The following SGPP2 variants were observed in gnomAD, a reference collection of about 807,000 sequenced individuals.
SGPP2 encodes the protein sphingosine-1-phosphate phosphatase 2.
In SGPP2, 30 loss-of-function variants were observed where a neutral mutation model predicts 33.9. The ratio of observed to expected loss-of-function variants is 0.89; its 90% CI spans 0.66 to 1.20. SGPP2 has a LOEUF of 1.20. Ranked by LOEUF, SGPP2 falls within the 50% of genes most tolerant of loss-of-function variation. The pLI is 0.00. For missense variants in SGPP2, 458 were observed against 532.1 expected, an observed-to-expected ratio of 0.86 and a Z score of 1.37; for synonymous variants, 233 against 225.0, an observed-to-expected ratio of 1.04 and a Z score of -0.32.
At chr2:222,432,685 T>C (rs139485940) in intron 1 of SGPP2, among the ~76,000 whole-genome samples, 2 of 151,850 alleles carry the variant, frequency 1.3e-5, no homozygotes, top group African/African-American at 4.8e-5. Flanking sequence ...CAGGAAACAA[T>C]AGGAACTCAG....
At chr2:222,552,426 C>T (rs1435162449) in intron 4 of SGPP2, among the ~76,000 whole-genome samples, 1 of 151,960 alleles carries the variant, frequency 6.6e-6, no homozygotes, top group Non-Finnish European at 1.5e-5. Flanking sequence ...GGTGGTATTG[C>T]ATTATGGTTT....
At chr2:222,474,870 A>T in intron 2 of SGPP2, 144 bp downstream of exon 2, 1 of 714,104 alleles carries the variant, frequency 1.4e-6, no homozygotes, top group Non-Finnish European at 2.2e-6. Flanking sequence ...TTTCCTTTGG[A>T]AAAATTAGAA....
At chr2:222,502,880 A>G (rs1222105561) in intron 2 of SGPP2, among the ~76,000 whole-genome samples, 2 of 152,226 alleles carry the variant, frequency 1.3e-5, no homozygotes, top group African/African-American at 4.8e-5. Context: ...ACCGTGTACG[A>G]AATTCTACCC....
intron 1 of SGPP2, among the ~76,000 whole-genome samples, chr2:222,449,395 T>G (rs528062940): frequency 6.6e-6 from 1 of 152,034 alleles, no homozygotes; most frequent in Non-Finnish European, 1.5e-5. Flanking sequence ...ACAAAAATGG[T>G]CAGGTTTACA....
intron 1 of SGPP2, among the ~76,000 whole-genome samples, chr2:222,433,351 C>A (rs1221312698): frequency 4.6e-5 from 7 of 151,040 alleles, no homozygotes; most frequent in Admixed American, 6.6e-5. Flanking sequence ...GGGGATCTCG[C>A]AGTGCAACCA....
At chr2:222,511,514 G>A (rs765637441) in intron 2 of SGPP2, among the ~76,000 whole-genome samples, 4 of 151,918 alleles carry the variant, frequency 2.6e-5, no homozygotes, top group Non-Finnish European at 5.9e-5. Flanking sequence ...AGGACTTTAG[G>A]GCCTCAACCC....
rs1194200401 is a variant in SGPP2, at chr2:222,558,778, CAAG to C, written c.1081_1083del (p.Lys361del). 6.2e-7 allele frequency: 1 copy of C among 1,614,026 alleles called. No individual in the cohort carries two copies. Among genetic ancestry groups the C allele is most frequent in the African/African-American group, 1.3e-5 (1 of 74,904 alleles). On this transcript the variant is annotated inframe_deletion, in exon 5 of 5. Coordinates refer to ENST00000321276, the MANE Select transcript of SGPP2 (RefSeq NM_152386.4). Reference sequence around the variant, plus strand: ...CATGGTTCAAGGTGGTCACCAGGAACAAGGAGGCCAGGCGGAGACTGGAGATTG... The same window carrying C: ...CATGGTTCAAGGTGGTCACCAGGAACGAGGCCAGGCGGAGACTGGAGATTG...
intron 2 of SGPP2, among the ~76,000 whole-genome samples, chr2:222,499,949 C>T (rs2106117168): frequency 1.3e-5 from 2 of 152,260 alleles, no homozygotes; most frequent in South Asian, 4.2e-4. Flanking sequence ...AAGTTCTCAC[C>T]TTGGGCCTGA....
intron 1 of SGPP2, chr2:222,452,507 C>A: frequency 1.1e-6 from 1 of 910,730 alleles, no homozygotes; most frequent in Non-Finnish European, 1.8e-6. Flanking sequence ...TGGCTTTCCC[C>A]AGCAGTTTCC....
chr2:222,445,508 C>T (rs960237256), intron 1 of SGPP2, among the ~76,000 whole-genome samples: 3 of 152,196 alleles, frequency 2.0e-5, no homozygotes, highest in Non-Finnish European at 2.9e-5. Context: ...CAATTCATGA[C>T]TCCTGGCCTA....
intron 4 of SGPP2, among the ~76,000 whole-genome samples, chr2:222,552,543 C>A (rs777223674): frequency 6.6e-6 from 1 of 152,066 alleles, no homozygotes; most frequent in South Asian, 2.1e-4. Flanking sequence ...GATAGGTACA[C>A]CAAAATCTCA....
intron 2 of SGPP2, among the ~76,000 whole-genome samples, chr2:222,516,516 T>C (rs1698606346): frequency 6.6e-6 from 1 of 152,242 alleles, no homozygotes. Context: ...ATATTGCTTT[T>C]GTTTCTCCTG....
intron 4 of SGPP2, among the ~76,000 whole-genome samples, chr2:222,525,837 C>T (rs1574878070): frequency 6.6e-6 from 1 of 152,166 alleles, no homozygotes; most frequent in Admixed American, 6.5e-5. Flanking sequence ...AAGGCCTACA[C>T]CCCACACGGG....
rs1689281263 is a variant in SGPP2 at position 222,550,828 on chromosome 2, C to A, written c.649-7519C>A. On this transcript the variant is annotated intron_variant, in intron 4 of 4. Coordinates refer to ENST00000321276, the MANE Select transcript of SGPP2 (RefSeq NM_152386.4). This position sits in a 1 kb window ranked among gnomAD's most constrained non-coding sequence, Gnocchi z 4.5. The stretch of plus-strand genomic sequence containing the variant: ...TGTGTTACTTTTTGGACTTAAATGG[C>A]ATGAGCTGAAATAACCCAACAAGAA... Among the ~76,000 whole-genome samples the A allele has an allele frequency of 6.6e-6, 1 of 151,364 alleles. No individual in the cohort carries two copies. Among genetic ancestry groups the A allele is most frequent in the African/African-American group, 2.5e-5 (1 of 40,746 alleles).
intron 1 of SGPP2, among the ~76,000 whole-genome samples, chr2:222,461,104 A>G (rs1451588400): frequency 6.6e-6 from 1 of 152,162 alleles, no homozygotes; most frequent in Non-Finnish European, 1.5e-5. Flanking sequence ...TTCTACTCCA[A>G]CTGGACTTTC....
chr2:222,509,041 G>A (rs1309931959), intron 2 of SGPP2, among the ~76,000 whole-genome samples: 1 of 152,102 alleles, frequency 6.6e-6, no homozygotes, highest in Non-Finnish European at 1.5e-5. Flanking sequence ...AGCCTTTAGA[G>A]TGTTTCCAAA....
At chr2:222,447,418 A>G (rs931066770) in intron 1 of SGPP2, among the ~76,000 whole-genome samples, 4 of 152,190 alleles carry the variant, frequency 2.6e-5, no homozygotes, top group African/African-American at 4.8e-5. Context: ...GAAAGTGGGT[A>G]GTGTCCGGTA....
At chr2:222,441,065 CT>C (rs1370632864) in intron 1 of SGPP2, among the ~76,000 whole-genome samples, 1 of 152,226 alleles carries the variant, frequency 6.6e-6, no homozygotes, top group Non-Finnish European at 1.5e-5. Context: ...TTGAGAGTAG[CT>C]GTCTAATTTT....
chr2:222,445,239 A>T (rs1697382260), intron 1 of SGPP2, among the ~76,000 whole-genome samples: 1 of 152,218 alleles, frequency 6.6e-6, no homozygotes, highest in African/African-American at 2.4e-5. Context: ...GTTGGACCAA[A>T]CATTGACCAC....
Sources: allele counts gnomAD v4.1 joint callset (sites outside exome capture counted in the v4.1 genomes callset), GRCh38; gene constraint gnomAD v4.1.1; non-coding constraint Gnocchi (gnomAD v3.1); transcripts MANE v1.5; gene names NCBI Gene and HGNC (gene_info 2026-07-23, HGNC 2026-07-21).